Variants in NSD1 observed in about 807,000 individuals in gnomAD.
The protein encoded by NSD1 is nuclear receptor binding SET domain protein 1.
In NSD1, 26 loss-of-function variants were observed where a neutral mutation model predicts 242.7. The ratio of observed to expected loss-of-function variants is 0.11; its 90% CI spans 0.08 to 0.15. The LOEUF is 0.15. Among genes scored for constraint, NSD1 ranks in the 10% least tolerant of loss-of-function variants. NSD1 has a pLI of 1.00. For synonymous variants in NSD1, 1,106 were observed against 1,178.1 expected, an observed-to-expected ratio of 0.94 and a Z score of 1.25; for missense variants, 2,495 against 3,272.8, an observed-to-expected ratio of 0.76 and a Z score of 5.80.
chr5:177,136,665 A>G (rs1397499692), intron 2 of NSD1, among the ~76,000 whole-genome samples: 3 of 149,110 alleles, frequency 2.0e-5, no homozygotes, highest in Non-Finnish European at 4.4e-5. Flanking sequence ...GCAGTGGTTG[A>G]TCACTGCAAC....
intron 9 of NSD1, among the ~76,000 whole-genome samples, chr5:177,245,059 T>C (rs1766171124): frequency 6.6e-6 from 1 of 152,072 alleles, no homozygotes; most frequent in South Asian, 2.1e-4. Context: ...ATCTACAGTT[T>C]AAAAAAATGA....
chr5:177,258,722 G>C (rs1479209661), intron 13 of NSD1, among the ~76,000 whole-genome samples: 1 of 152,006 alleles, frequency 6.6e-6, no homozygotes, highest in African/African-American at 2.4e-5. Flanking sequence ...TTTTAGTAGA[G>C]ACAGGGTTTC....
chr5:177,253,079 A>T (rs902888161), intron 12 of NSD1, among the ~76,000 whole-genome samples: 1 of 152,156 alleles, frequency 6.6e-6, no homozygotes, highest in Admixed American at 6.6e-5. Flanking sequence ...TGCAGCAAAG[A>T]TACTAAGGAG....
chr5:177,134,392 G>T lies in NSD1; in HGVS notation c.-18+440G>T. On this transcript the variant is annotated intron_variant, in intron 1 of 22. Transcript: ENST00000439151. This position sits in a 1 kb window ranked among gnomAD's most constrained non-coding sequence, Gnocchi z 4.2. ...GGCCCGGGCAGGCGGCGGCGGCGTC[G>T]GCAGCAGCCATGTTTTTCGAGCTGT... is the stretch of plus-strand genomic sequence containing the variant. The T allele has an allele frequency of 1.3e-5, 2 of 153,378 alleles. No individual in the cohort carries two copies. The highest frequency in any genetic ancestry group is 3.7e-4 in the South Asian group (2 of 5,426). The allele number at this position is 153,378 out of a possible 1,614,324, so 9.5% of individuals were successfully genotyped here.
At chr5:177,164,149 C>CTTTTTTTTTTTTTTT (rs56076836) in intron 2 of NSD1, among the ~76,000 whole-genome samples, 4 of 138,392 alleles carry the variant, frequency 2.9e-5, no homozygotes, top group Non-Finnish European at 4.6e-5. Context: ...AAAATGTAAC[C>CTTTTTTTTTTTTTTT]TTTTTTTTTT....
chr5:177,244,172 GTGT>G lies in NSD1; in HGVS notation c.4303-18_4303-16del. 1 of 1,541,000 alleles carries G rather than the reference GTGT, an allele frequency of 6.5e-7. No individual in the cohort carries two copies. The highest frequency in any genetic ancestry group is 9.0e-7 in the Non-Finnish European group (1 of 1,114,576). ...TTATTTTTTCATTCCTCTGTAAATG[GTGT>G]TGTTTTCACTTATTTATAGTGCTAT... is the stretch of plus-strand genomic sequence containing the variant. On this transcript the variant is annotated intron_variant, in intron 8 of 22. Transcript: ENST00000439151.
chr5:177,257,163 T>G lies in NSD1; in HGVS notation c.4966+12T>G, dbSNP rs376439239. ...TTCTGCATCTAAAGGTATGGATTTC[T>G]TATGTGGACCAGTCTAATTGTAAAA... On this transcript the variant is annotated intron_variant, in intron 13 of 22. Transcript: ENST00000439151. 8.1e-6 allele frequency: 13 copies of G among 1,606,464 alleles called. No homozygotes were observed. The highest frequency in any genetic ancestry group is 1.1e-5 in the Non-Finnish European group (13 of 1,173,270).
At chr5:177,154,027 T>C (rs1236183254) in intron 2 of NSD1, among the ~76,000 whole-genome samples, 8 of 152,126 alleles carry the variant, frequency 5.3e-5, no homozygotes, top group African/African-American at 1.9e-4. Context: ...CTAATGAATT[T>C]ACAGTCAAGA....
intron 5 of NSD1, among the ~76,000 whole-genome samples, chr5:177,225,957 A>G (rs546383321): frequency 7.0e-4 from 107 of 152,332 alleles, no homozygotes; most frequent in South Asian, 1.2e-3. Context: ...AACAGTATAT[A>G]TACGTTGTTT....
At chr5:177,136,590 A>G in intron 2 of NSD1, among the ~76,000 whole-genome samples, 1 of 150,728 alleles carries the variant, frequency 6.6e-6, no homozygotes, top group Non-Finnish European at 1.5e-5. Context: ...GCTTTTGATA[A>G]CTGCCACCAT....
Position 177,296,827 on chromosome 5 carries a change from C to T in NSD1, c.*1368C>T. ...GCTCACAGACTGCCAACAGGAAGTG[C>T]TGTTTGGCTAGTTTCCTCCCACTTG... On this transcript the variant is annotated 3_prime_UTR_variant, in exon 23 of 23. Coordinates refer to ENST00000439151, the MANE Select transcript of NSD1 (RefSeq NM_022455.5). 2 of 233,338 alleles carry T rather than the reference C, an allele frequency of 8.6e-6. No individual in the cohort carries two copies. Among genetic ancestry groups the T allele is most frequent in the Non-Finnish European group, 1.7e-5 (2 of 118,074 alleles). 14.5% of individuals were successfully genotyped at this position (233,338 alleles called of 1,614,324 possible). A position where few individuals can be genotyped will look rare whatever the true frequency, so the allele number is the denominator to read the frequency against.
At chr5:177,206,773 G>A (rs994468642) in intron 4 of NSD1, among the ~76,000 whole-genome samples, 2 of 151,784 alleles carry the variant, frequency 1.3e-5, no homozygotes, top group African/African-American at 2.4e-5. Flanking sequence ...CTTTTTAGAG[G>A]TGTTTATTGG....
intron 17 of NSD1, among the ~76,000 whole-genome samples, chr5:177,277,599 A>G (rs1401099711): frequency 6.6e-6 from 1 of 152,238 alleles, no homozygotes; most frequent in East Asian, 1.9e-4. Flanking sequence ...TGATAAGTAC[A>G]AAACTTATTT....
chr5:177,150,873 A>G (rs187918318), intron 2 of NSD1, among the ~76,000 whole-genome samples: 2 of 152,314 alleles, frequency 1.3e-5, no homozygotes, highest in Admixed American at 6.5e-5. Context: ...ACCCAGTGAA[A>G]ATAACAGACA....
intron 2 of NSD1, among the ~76,000 whole-genome samples, chr5:177,171,072 C>G (rs1428680136): frequency 1.2e-4 from 18 of 150,722 alleles, no homozygotes; most frequent in Non-Finnish European, 7.4e-5. Context: ...CCTGTAATCC[C>G]AGGACTTTGG....
chr5:177,208,434 G>C (rs1219670252), intron 4 of NSD1, among the ~76,000 whole-genome samples: 1 of 151,862 alleles, frequency 6.6e-6, no homozygotes, highest in East Asian at 1.9e-4. Flanking sequence ...GATCAAACCT[G>C]CTGATTCCTC....
chr5:177,267,715 A>G lies in NSD1; in HGVS notation c.5300A>G (p.Tyr1767Cys). 1 of 1,613,782 alleles carries G rather than the reference A, an allele frequency of 6.2e-7. No individual in the cohort carries two copies. The highest frequency in any genetic ancestry group is 8.5e-7 in the Non-Finnish European group (1 of 1,179,800). Residue 1767 changes from tyrosine to cysteine, a missense_variant, in exon 15 of 23, where the codon TAC (tyrosine) becomes TGC (cysteine). Transcript: ENST00000439151. The stretch of plus-strand genomic sequence containing the variant: ...ATTGTCTGGGTAAAAGTTGGACGAT[A>G]CAGGTAAGCCTGAAGAATAGCACTC... ...REIVWVKVGR[Y>C]RWWPAEICHP...
chr5:177,280,675 C>T lies in NSD1; in HGVS notation c.5733C>T (p.Cys1911=), dbSNP rs1211631933. ...DENPCGIDSE[C]INRMLLYECH... ...ACCCCTGTGGGATAGACTCTGAATG[C>T]ATCAACCGCATGCTGCTCTATGAGT... Residue 1911 remains cysteine, a synonymous_variant, in exon 18 of 23, where the codon TGC becomes TGT. Transcript: ENST00000439151. 3 of 1,614,108 alleles carry T rather than the reference C, an allele frequency of 1.9e-6. No homozygotes were observed. Among genetic ancestry groups the T allele is most frequent in the Non-Finnish European group, 2.5e-6 (3 of 1,180,056 alleles).
chr5:177,201,213 T>C (rs187612405), intron 3 of NSD1, among the ~76,000 whole-genome samples: 98 of 152,110 alleles, frequency 6.4e-4, no homozygotes, highest in African/African-American at 1.6e-3. Flanking sequence ...TTTTGTTGTT[T>C]TTTATTTGTT....
Sources: gnomAD v4.1 joint callset for allele counts (sites outside exome capture counted in the v4.1 genomes callset) on GRCh38, gnomAD v4.1.1 for gene constraint, Gnocchi (gnomAD v3.1) non-coding constraint, MANE v1.5 for transcripts, NCBI Gene and HGNC (gene_info 2026-07-23, HGNC 2026-07-21) for gene names.